GLIS1: variants seen among roughly 807,000 people sequenced by gnomAD.
GLIS1 encodes the protein zinc finger protein GLIS1.
A neutral mutation model predicts 63.8 loss-of-function variants in GLIS1; 24 were observed. The ratio of observed to expected loss-of-function variants is 0.38; its 90% CI spans 0.27 to 0.53. The LOEUF is 0.53. Among genes scored for constraint, GLIS1 ranks in the 20% least tolerant of loss-of-function variants. The pLI is 0.85. For synonymous variants in GLIS1, 450 were observed against 482.5 expected, an observed-to-expected ratio of 0.93 and a Z score of 0.88; for missense variants, 1,036 against 1,074.1, an observed-to-expected ratio of 0.96 and a Z score of 0.50.
At chr1:53,635,547 T>TAA (rs368725112) in intron 2 of GLIS1, among the ~76,000 whole-genome samples, 9 of 143,564 alleles carry the variant, frequency 6.3e-5, no homozygotes, top group South Asian at 2.2e-4. Flanking sequence ...CACAAGATGT[T>TAA]AAAAAAAAAA....
At chr1:53,648,681 G>A (rs1429275865) in intron 2 of GLIS1, among the ~76,000 whole-genome samples, 1 of 152,158 alleles carries the variant, frequency 6.6e-6, no homozygotes, top group South Asian at 2.1e-4. Flanking sequence ...TAGCTGCACA[G>A]CATGAACAGA....
intron 2 of GLIS1, among the ~76,000 whole-genome samples, chr1:53,729,277 T>C (rs1646835432): frequency 6.6e-6 from 1 of 152,202 alleles, no homozygotes; most frequent in Non-Finnish European, 1.5e-5. Context: ...CCGCTCGATC[T>C]GTTTGAAATC....
At chr1:53,722,705 G>A (rs1006106410) in intron 2 of GLIS1, among the ~76,000 whole-genome samples, 1 of 151,708 alleles carries the variant, frequency 6.6e-6, no homozygotes, top group Non-Finnish European at 1.5e-5. Flanking sequence ...GTGGTGGCGT[G>A]TGCCTGCAGT....
chr1:53,683,923 G>A (rs976146753), intron 2 of GLIS1, among the ~76,000 whole-genome samples: 16 of 152,048 alleles, frequency 1.1e-4, no homozygotes, highest in African/African-American at 3.6e-4. Context: ...GACCCACCCC[G>A]CCTGCCAGAG....
intron 4 of GLIS1, among the ~76,000 whole-genome samples, chr1:53,532,235 A>G (rs1644538449): frequency 6.6e-6 from 1 of 152,146 alleles, no homozygotes; most frequent in African/African-American, 2.4e-5. Flanking sequence ...GGGGGAGGAG[A>G]CAGGAAGATG....
intron 6 of GLIS1, among the ~76,000 whole-genome samples, chr1:53,522,915 AAAAAT>A (rs1644424468): frequency 6.6e-6 from 1 of 152,012 alleles, no homozygotes; most frequent in South Asian, 2.1e-4. Context: ...CTTTGTTTCT[AAAAAT>A]AAAATAAAAT....
At chr1:53,564,183 C>A (rs2873096) in intron 4 of GLIS1, among the ~76,000 whole-genome samples, 34,064 of 152,008 alleles carry the variant, frequency 0.22, 4,296 homozygotes, top group African/African-American at 0.33. Context: ...GAACACTGTA[C>A]AACAAAAGCA....
At chr1:53,699,816 A>C (rs972097580) in intron 2 of GLIS1, among the ~76,000 whole-genome samples, 2 of 152,144 alleles carry the variant, frequency 1.3e-5, no homozygotes, top group Non-Finnish European at 2.9e-5. Context: ...AAGCTCTCTC[A>C]TGTCTCTTCT....
chr1:53,553,842 T>C (rs1644788909), intron 4 of GLIS1, among the ~76,000 whole-genome samples: 1 of 152,190 alleles, frequency 6.6e-6, no homozygotes, highest in Non-Finnish European at 1.5e-5. Context: ...GAGGCCTGTG[T>C]GGCTGGAGCA....
At chr1:53,556,251 G>GTC (rs1644823933) in intron 4 of GLIS1, among the ~76,000 whole-genome samples, 1 of 146,736 alleles carries the variant, frequency 6.8e-6, no homozygotes, top group African/African-American at 2.5e-5. Context: ...GTGTGTGTGT[G>GTC]TGTGCAGGTG....
chr1:53,554,033 C>T (rs1041292315), intron 4 of GLIS1, among the ~76,000 whole-genome samples: 1 of 152,202 alleles, frequency 6.6e-6, no homozygotes, highest in Non-Finnish European at 1.5e-5. Flanking sequence ...GAAGAGGACA[C>T]TAGGCCTCCC....
intron 2 of GLIS1, among the ~76,000 whole-genome samples, chr1:53,655,092 C>G (rs1287191893): frequency 6.6e-6 from 1 of 152,182 alleles, no homozygotes; most frequent in Admixed American, 6.5e-5. Flanking sequence ...ACCCCAGAGG[C>G]TGGCCAGGCA....
intron 4 of GLIS1, among the ~76,000 whole-genome samples, chr1:53,588,359 A>T (rs1343058274): frequency 6.6e-6 from 1 of 152,218 alleles, no homozygotes; most frequent in Non-Finnish European, 1.5e-5. Flanking sequence ...TTTCAGGGGA[A>T]TAATTCTTTC....
intron 2 of GLIS1, among the ~76,000 whole-genome samples, chr1:53,627,940 G>A (rs557621328): frequency 7.9e-5 from 12 of 152,298 alleles, no homozygotes; most frequent in Middle Eastern, 3.4e-3. Context: ...AGGCTATGTG[G>A]CCTGTGTCTC....
chr1:53,558,391 G>A (rs1427536429), intron 4 of GLIS1, among the ~76,000 whole-genome samples: 3 of 152,172 alleles, frequency 2.0e-5, no homozygotes, highest in Admixed American at 1.3e-4. Flanking sequence ...ATAAGGCCCC[G>A]GTTCCTCTGT....
At chr1:53,572,481 T>C (rs1436547460) in intron 4 of GLIS1, among the ~76,000 whole-genome samples, 1 of 152,250 alleles carries the variant, frequency 6.6e-6, no homozygotes, top group Non-Finnish European at 1.5e-5. Context: ...CTGTCCTCTC[T>C]ACCTGTTTGC....
intron 4 of GLIS1, among the ~76,000 whole-genome samples, chr1:53,541,720 G>A (rs951304507): frequency 3.3e-5 from 5 of 152,256 alleles, no homozygotes; most frequent in East Asian, 1.9e-4. Context: ...AAACCCATCC[G>A]GTGGCCAAGT....
chr1:53,698,526 G>A (rs992520549), intron 2 of GLIS1, among the ~76,000 whole-genome samples: 4 of 152,224 alleles, frequency 2.6e-5, no homozygotes, highest in Admixed American at 1.3e-4. Flanking sequence ...TTCCAAGCAC[G>A]CGCCACTGCT....
chr1:53,545,535 A>G (rs1644688862), intron 4 of GLIS1, among the ~76,000 whole-genome samples: 2 of 152,252 alleles, frequency 1.3e-5, no homozygotes, highest in South Asian at 4.1e-4. Context: ...TAAGTATAGT[A>G]TGATTCCATT....
Sources: allele counts gnomAD v4.1 joint callset (sites outside exome capture counted in the v4.1 genomes callset), GRCh38; gene constraint gnomAD v4.1.1; transcripts MANE v1.5; gene names NCBI Gene and HGNC (gene_info 2026-07-23, HGNC 2026-07-21).